The following NRXN1 variants were observed in gnomAD, a reference collection of about 807,000 sequenced individuals.
NRXN1 encodes neurexin 1, also known as neurexin-1.
Under a neutral mutation model 150.9 loss-of-function variants are expected in NRXN1, and 39 were observed. The ratio of observed to expected loss-of-function variants is 0.26; its 90% CI spans 0.20 to 0.34. NRXN1 has a LOEUF of 0.34. Among genes scored for constraint, NRXN1 ranks in the 10% least tolerant of loss-of-function variants. The probability of loss-of-function intolerance (pLI) is 1.00; values close to 1 mark genes in which losing one functional copy is unlikely to be tolerated. For synonymous variants in NRXN1, 924 were observed against 757.0 expected, an observed-to-expected ratio of 1.22 and a Z score of -3.62; for missense variants, 1,815 against 1,949.9, an observed-to-expected ratio of 0.93 and a Z score of 1.30.
intron 17 of NRXN1, among the ~76,000 whole-genome samples, chr2:50,406,670 T>C (rs1477532080): frequency 6.6e-6 from 1 of 152,304 alleles, no homozygotes; most frequent in East Asian, 1.9e-4. Context: ...TCCACATCCA[T>C]AATTAATAAC....
At chr2:50,681,937 C>T (rs996398642) in intron 5 of NRXN1, among the ~76,000 whole-genome samples, 5 of 152,084 alleles carry the variant, frequency 3.3e-5, no homozygotes, top group African/African-American at 1.2e-4. Context: ...CTTTCTAAGC[C>T]TCATGCTGTC....
intron 5 of NRXN1, among the ~76,000 whole-genome samples, chr2:50,743,138 G>C (rs1021441305): frequency 2.0e-5 from 3 of 152,148 alleles, no homozygotes; most frequent in Admixed American, 6.6e-5. Flanking sequence ...TCTCTTCTAT[G>C]ACAAAAATTT....
At chr2:50,204,646 G>C (rs953951706) in intron 18 of NRXN1, among the ~76,000 whole-genome samples, 22 of 152,104 alleles carry the variant, frequency 1.4e-4, no homozygotes, top group Middle Eastern at 6.8e-3. Context: ...CTTGCCATTT[G>C]GTTGGGTGCT....
intron 5 of NRXN1, among the ~76,000 whole-genome samples, chr2:50,882,918 A>C (rs902099428): frequency 8.6e-5 from 13 of 151,876 alleles, no homozygotes; most frequent in Non-Finnish European, 1.0e-4. Flanking sequence ...ACATATTGTG[A>C]AAAGAAAACA....
intron 5 of NRXN1, among the ~76,000 whole-genome samples, chr2:50,891,122 A>G (rs114297536): frequency 9.9e-5 from 15 of 152,146 alleles, no homozygotes; most frequent in Admixed American, 6.6e-4. Context: ...ACAGTCTGTC[A>G]GTAACTATTG....
intron 9 of NRXN1, among the ~76,000 whole-genome samples, chr2:50,549,079 G>C (rs2093556347): frequency 6.6e-6 from 1 of 151,998 alleles, no homozygotes; most frequent in Non-Finnish European, 1.5e-5. Context: ...TATAGCCCCT[G>C]AATATAACTG....
At chr2:50,658,597 C>T (rs1337184706) in intron 5 of NRXN1, among the ~76,000 whole-genome samples, 3 of 151,890 alleles carry the variant, frequency 2.0e-5, no homozygotes, top group South Asian at 2.1e-4. Flanking sequence ...TTGGCCGTTC[C>T]TTCACATTCC....
intron 22 of NRXN1, among the ~76,000 whole-genome samples, chr2:49,936,334 C>A (rs971335123): frequency 6.6e-6 from 1 of 152,154 alleles, no homozygotes. Flanking sequence ...GCCTTATGAG[C>A]GACCTCACTA....
At chr2:50,220,763 C>A (rs934770641) in intron 18 of NRXN1, among the ~76,000 whole-genome samples, 1 of 151,810 alleles carries the variant, frequency 6.6e-6, no homozygotes. Flanking sequence ...CAGACACAAG[C>A]AATTAAAGGA....
chr2:50,424,005 A>G (rs1007930804), intron 17 of NRXN1, among the ~76,000 whole-genome samples: 1 of 152,044 alleles, frequency 6.6e-6, no homozygotes, highest in East Asian at 2.0e-4. Flanking sequence ...GATAGGCTGG[A>G]GCCAGATCCT....
In NRXN1 at chr2:49,922,136, G is replaced by A. The variant is rs1279820280; in HGVS notation, c.4332C>T (p.Cys1444=). The A allele has an allele frequency of 6.2e-7, 1 of 1,614,130 alleles. No homozygotes were observed. Among genetic ancestry groups the A allele is most frequent in the Non-Finnish European group, 8.5e-7 (1 of 1,180,028 alleles). The change falls in exon 23 of 23, where the codon TGC becomes TGT. Residue 1444 remains cysteine (C), a synonymous_variant. Coordinates refer to ENST00000401669, the MANE Select transcript of NRXN1 (RefSeq NM_001330078.2). ...VVGIVAAAAL[C]ILILLYAMYK... is the part of the protein sequence containing the mutation. ...ACATGGCATAGAGGAGGATAAGGAT[G>A]CACAGGGCGGCAGCGGCTACTATCC...
intron 5 of NRXN1, among the ~76,000 whole-genome samples, chr2:50,634,592 C>T (rs1210542106): frequency 6.6e-6 from 1 of 152,038 alleles, no homozygotes; most frequent in African/African-American, 2.4e-5. Context: ...CTTCTTTTCC[C>T]CATCTCTTAA....
intron 5 of NRXN1, chr2:50,624,713 C>G (rs1680694742): frequency 1.3e-5 from 2 of 151,924 alleles, no homozygotes; most frequent in Admixed American, 1.3e-4. Context: ...GATGGTAGGG[C>G]TGGCTGTTAT....
intron 2 of NRXN1, among the ~76,000 whole-genome samples, chr2:50,966,660 T>G (rs1694150605): frequency 6.6e-6 from 1 of 151,794 alleles, no homozygotes; most frequent in African/African-American, 2.4e-5. Context: ...TTGATAAAAT[T>G]GAGAGTGGCA....
At chr2:50,531,928 C>T (rs994109874) in intron 10 of NRXN1, among the ~76,000 whole-genome samples, 4 of 152,200 alleles carry the variant, frequency 2.6e-5, no homozygotes, top group African/African-American at 9.6e-5. Flanking sequence ...TCACTGCAGC[C>T]ATGACCTCCT....
chr2:50,809,903 C>T (rs1392559073), intron 5 of NRXN1, among the ~76,000 whole-genome samples: 2 of 152,146 alleles, frequency 1.3e-5, no homozygotes, highest in Admixed American at 1.3e-4. Context: ...AACAGGCATA[C>T]CTGTCAATTT....
chr2:50,872,268 A>G (rs1677894819), intron 5 of NRXN1, among the ~76,000 whole-genome samples: 1 of 151,860 alleles, frequency 6.6e-6, no homozygotes, highest in Admixed American at 6.6e-5. Flanking sequence ...AAGATGAACT[A>G]AAATGTAATG....
chr2:50,367,306 G>C lies in NRXN1; in HGVS notation c.3364+98136C>G, dbSNP rs180781824. 2.2e-4 allele frequency among the ~76,000 whole-genome samples: 33 copies of C among 152,060 alleles called. No individual in the cohort carries two copies. In the East Asian group the frequency reaches 6.0e-3, roughly 28 times the overall value. On this transcript the variant is annotated intron_variant, in intron 17 of 22. Coordinates refer to ENST00000401669, the MANE Select transcript of NRXN1 (RefSeq NM_001330078.2). ...GAAAAGATATCCATTTCCTGTAGAA[G>C]AGAATTAGAGCTTAATGAAGACACA...
chr2:49,955,802 AT>A (rs1674832598), intron 21 of NRXN1, among the ~76,000 whole-genome samples: 1 of 152,300 alleles, frequency 6.6e-6, no homozygotes, highest in East Asian at 1.9e-4. Flanking sequence ...GAGGCCAGCC[AT>A]AAGATTCACA....
Sources: gnomAD v4.1 joint callset for allele counts (sites outside exome capture counted in the v4.1 genomes callset) on GRCh38, gnomAD v4.1.1 for gene constraint, MANE v1.5 for transcripts, NCBI Gene and HGNC (gene_info 2026-07-23, HGNC 2026-07-21) for gene names.